Variants in NCKAP5 observed in about 807,000 individuals in gnomAD.
The protein encoded by NCKAP5 is NCK associated protein 5.
NCKAP5 carries 92 observed loss-of-function variants against 167.0 expected under a neutral mutation model. That is an observed-to-expected ratio of 0.55 (90% CI 0.47 to 0.66). NCKAP5 has a LOEUF of 0.66. Ranked by LOEUF, NCKAP5 falls within the 30% of genes least tolerant of loss-of-function variation. The probability of loss-of-function intolerance (pLI) is 0.00; values close to 1 mark genes in which losing one functional copy is unlikely to be tolerated. For synonymous variants in NCKAP5, 891 were observed against 877.4 expected (o/e 1.02, Z -0.27); for missense variants, 2,378 against 2,315.0 (o/e 1.03, Z -0.56).
At chr2:133,445,408 C>A (rs906438024) in intron 3 of NCKAP5, among the ~76,000 whole-genome samples, 2 of 152,190 alleles carry the variant, frequency 1.3e-5, no homozygotes, top group Admixed American at 1.3e-4. Flanking sequence ...ACTTAATTCT[C>A]ATAAAAATCT....
At chr2:132,976,609 A>C (rs563298806) in intron 7 of NCKAP5, among the ~76,000 whole-genome samples, 166 of 151,854 alleles carry the variant, frequency 1.1e-3, no homozygotes, top group Non-Finnish European at 2.3e-3. Flanking sequence ...AGTATACTTA[A>C]CAATGTATAC....
chr2:133,043,892 AAGAT>A (rs944285116), intron 6 of NCKAP5, among the ~76,000 whole-genome samples: 8 of 152,000 alleles, frequency 5.3e-5, no homozygotes, highest in Middle Eastern at 6.8e-3. Context: ...GATTGACTAA[AAGAT>A]AGACTGATTC....
At chr2:133,526,762 A>G (rs1684958741) in intron 2 of NCKAP5, among the ~76,000 whole-genome samples, 1 of 152,166 alleles carries the variant, frequency 6.6e-6, no homozygotes, top group Admixed American at 6.6e-5. Context: ...AGGAAGATTT[A>G]TAATACATTA....
chr2:133,506,862 T>C (rs1202164986), intron 3 of NCKAP5, among the ~76,000 whole-genome samples: 1 of 152,222 alleles, frequency 6.6e-6, no homozygotes, highest in Non-Finnish European at 1.5e-5. Context: ...ACTGATTTTG[T>C]CTTTGTAGAC....
rs961990100 is a variant in NCKAP5, at chr2:132,784,680, C to T, written c.2131G>A (p.Glu711Lys). 2 of 1,613,872 alleles carry T rather than the reference C, an allele frequency of 1.2e-6. No individual in the cohort carries two copies. The highest frequency in any genetic ancestry group is 3.3e-5 in the Admixed American group (2 of 60,002). ...TPAGPKAEHT[E>K]LLPQGIACLQ... ...CAAGCAATTCCCTGAGGTAAAAGCT[C>T]AGTATGTTCTGCCTTGGGTCCAGCA... Residue 711 changes from glutamate to lysine, a missense_variant, in exon 14 of 20, where the codon GAG becomes AAG. Coordinates refer to ENST00000409261, the MANE Select transcript of NCKAP5 (RefSeq NM_207363.3).
the NCKAP5 span, among the ~76,000 whole-genome samples, chr2:133,608,927 G>A: frequency 6.6e-6 from 1 of 152,144 alleles, no homozygotes; most frequent in African/African-American, 2.4e-5. Flanking sequence ...ACACTGAATG[G>A]ATTGGCATTT....
intron 4 of NCKAP5, among the ~76,000 whole-genome samples, chr2:133,230,561 G>C (rs2087097978): frequency 6.6e-6 from 1 of 152,072 alleles, no homozygotes; most frequent in Admixed American, 6.6e-5. Context: ...CACCCTGAGA[G>C]CTTTTTGCAA....
At chr2:133,633,538 G>A in the NCKAP5 span, among the ~76,000 whole-genome samples, 10 of 152,206 alleles carry the variant, frequency 6.6e-5, no homozygotes. Flanking sequence ...GCTGGCTCAC[G>A]CTGAAAAGTG....
chr2:133,626,203 C>T, the NCKAP5 span, among the ~76,000 whole-genome samples: 8 of 152,158 alleles, frequency 5.3e-5, no homozygotes, highest in African/African-American at 1.7e-4. Context: ...TCACTCGTTA[C>T]TACTATCATC....
chr2:132,840,749 G>C (rs914806418), intron 11 of NCKAP5, among the ~76,000 whole-genome samples: 1 of 152,076 alleles, frequency 6.6e-6, no homozygotes, highest in African/African-American at 2.4e-5. Flanking sequence ...ACCATGTATG[G>C]TCTGTGTTTG....
intron 7 of NCKAP5, among the ~76,000 whole-genome samples, chr2:132,980,652 G>A (rs1258631492): frequency 2.6e-5 from 4 of 152,194 alleles, no homozygotes; most frequent in East Asian, 3.9e-4. Context: ...ATTTCAAAAG[G>A]TTAATGTGAG....
At chr2:133,405,805 T>C (rs970386349) in intron 3 of NCKAP5, among the ~76,000 whole-genome samples, 1 of 152,224 alleles carries the variant, frequency 6.6e-6, no homozygotes, top group Non-Finnish European at 1.5e-5. Flanking sequence ...CTGTTCCCCT[T>C]GCCTGGGTTA....
chr2:132,850,797 C>T (rs955205314), intron 11 of NCKAP5, among the ~76,000 whole-genome samples: 3 of 152,020 alleles, frequency 2.0e-5, no homozygotes, highest in Admixed American at 1.3e-4. Context: ...CTCTGCTGAT[C>T]CTTCTGCTTT....
chr2:132,900,965 CA>C (rs1421394476), intron 8 of NCKAP5, among the ~76,000 whole-genome samples: 7 of 31,662 alleles, frequency 2.2e-4, no homozygotes, highest in African/African-American at 3.7e-4. Context: ...GACTCTGTCT[CA>C]AAAAAAAAAA....
rs757424095 is a variant in NCKAP5 at position 132,783,619 on chromosome 2, CTG to C, written c.3190_3191del (p.Gln1064AspfsTer10). The part of the protein sequence containing the change: ...LGTPQRDIGL[Q>X]TPRISPSTHE... ...GGGTTGAAGGAGAGATCCTGGGAGT[CTG>C]TAATCCTATGTCCCTTTGTGGGGTC... On this transcript the variant is annotated frameshift_variant, in exon 14 of 20. Coordinates refer to ENST00000409261, the MANE Select transcript of NCKAP5 (RefSeq NM_207363.3). LOFTEE classifies it high-confidence loss of function. 2.5e-6 allele frequency: 4 copies of C among 1,613,814 alleles called. No individual in the cohort carries two copies. The African/African-American group carries it at 4.0e-5, about 16-fold the overall frequency.
At chr2:133,028,665 A>G (rs2149414495) in intron 6 of NCKAP5, among the ~76,000 whole-genome samples, 1 of 152,340 alleles carries the variant, frequency 6.6e-6, no homozygotes. Flanking sequence ...CTTTAACAAC[A>G]AAACCTTTTT....
intron 18 of NCKAP5, among the ~76,000 whole-genome samples, chr2:132,727,614 G>A (rs1690588602): frequency 6.6e-6 from 1 of 152,242 alleles, no homozygotes; most frequent in African/African-American, 2.4e-5. Flanking sequence ...CTAACATTCT[G>A]TGTTTGACTT....
chr2:132,917,687 G>T (rs1203146961), intron 8 of NCKAP5, among the ~76,000 whole-genome samples: 1 of 152,090 alleles, frequency 6.6e-6, no homozygotes, highest in African/African-American at 2.4e-5. Flanking sequence ...GTGCACCTTT[G>T]TCCACCTGTG....
chr2:132,902,948 G>A (rs974723194), intron 8 of NCKAP5, among the ~76,000 whole-genome samples: 14 of 152,162 alleles, frequency 9.2e-5, no homozygotes, highest in African/African-American at 3.1e-4. Flanking sequence ...AGGAGAGGTG[G>A]CTTTGGCATC....
Sources: allele counts gnomAD v4.1 joint callset (sites outside exome capture counted in the v4.1 genomes callset), GRCh38; gene constraint gnomAD v4.1.1; transcripts MANE v1.5; gene names NCBI Gene and HGNC (gene_info 2026-07-23, HGNC 2026-07-21).